UBE2L3: variants seen among roughly 807,000 people sequenced by gnomAD.
The protein encoded by UBE2L3 is ubiquitin conjugating enzyme E2 L3.
In UBE2L3, 1 loss-of-function variant was observed where a neutral mutation model predicts 17.8. The observed-to-expected ratio is 0.06, with a 90% CI of 0.02 to 0.27. The LOEUF is 0.27. UBE2L3 is among the 10% of genes least tolerant of loss of function. The probability of loss-of-function intolerance (pLI) is 1.00; values close to 1 mark genes in which losing one functional copy is unlikely to be tolerated. For missense variants in UBE2L3, 40 were observed against 192.6 expected (o/e 0.21, Z 4.69); for synonymous variants, 44 against 68.5 (o/e 0.64, Z 1.76).
Position 21,575,055 on chromosome 22 carries a change from G to A in UBE2L3, c.27+7284G>A, listed in dbSNP as rs549975211. On this transcript the variant is annotated intron_variant, in intron 1 of 3. Coordinates refer to ENST00000342192, the MANE Select transcript of UBE2L3 (RefSeq NM_003347.4). The stretch of plus-strand genomic sequence containing the variant: ...GTGGATCACTTGAGGTCAGGAGTTC[G>A]AGACCAGCCTGGTCAACATGGTGAA... 2.1e-4 allele frequency among the ~76,000 whole-genome samples: 32 copies of A among 151,702 alleles called. No homozygotes were observed. In the East Asian group the frequency reaches 5.6e-3, roughly 27 times the overall value.
rs1211084908 is a variant in UBE2L3, at chr22:21,562,376, CT to C, written c.201+12739del. On this transcript the variant is annotated intron_variant, in intron 1 of 3. Coordinates refer to the UBE2L3 transcript ENST00000458578. Reference sequence around the variant, plus strand: ...CACCCGGCTAATTTTTTCTTTTTTTCTTTTTTTTTTTTTGAGACGGAGTCTC... The same window carrying C: ...CACCCGGCTAATTTTTTCTTTTTTTCTTTTTTTTTTTTGAGACGGAGTCTC... Among the ~76,000 whole-genome samples the C allele has an allele frequency of 7.8e-3, 964 of 123,288 alleles. 7 individuals are homozygous for C. The highest frequency in any genetic ancestry group is 0.026 in the African/African-American group (811 of 30,898). The allele number at this position is 123,288 out of a possible 152,430, so 80.9% of individuals were successfully genotyped here.
At chr22:21,584,731 C>T (rs1250105633) in intron 1 of UBE2L3, among the ~76,000 whole-genome samples, 2 of 149,770 alleles carry the variant, frequency 1.3e-5, no homozygotes, top group Non-Finnish European at 3.0e-5. Context: ...GAGGCCGAGG[C>T]GGGTGGATCC....
At chr22:21,587,943 C>T (rs541857194) in intron 1 of UBE2L3, among the ~76,000 whole-genome samples, 16 of 152,286 alleles carry the variant, frequency 1.1e-4, no homozygotes, top group Admixed American at 7.2e-4. Context: ...CCGAAGTGGA[C>T]CTCATTCTGA....
At chr22:21,564,410 C>A (rs769129871), upstream of UBE2L3, among the ~76,000 whole-genome samples, 19 of 152,034 alleles carry the variant, frequency 1.2e-4, no homozygotes, top group Non-Finnish European at 2.8e-4. Flanking sequence ...TGGAGGGGAT[C>A]GGGTATGACT....
At chr22:21,586,675 C>T (rs949625893) in intron 1 of UBE2L3, among the ~76,000 whole-genome samples, 1 of 151,336 alleles carries the variant, frequency 6.6e-6, no homozygotes, top group African/African-American at 2.4e-5. Context: ...TCCAGTGATT[C>T]TCCAACCTCA....
rs567794559 is a variant in UBE2L3 at position 21,568,394 on chromosome 22, G to T, written c.27+623G>T. 7.3e-4 allele frequency: 720 copies of T among 985,454 alleles called. 2 individuals are homozygous for T. The highest frequency in any genetic ancestry group is 8.3e-4 in the Non-Finnish European group (691 of 829,984). 61.0% of individuals were successfully genotyped at this position (985,454 alleles called of 1,614,324 possible). ...ACACAGCGGGTAAGTTCCAACTCCA[G>T]GAAGGCCTGAGGTCGGCCCCGATCG... On this transcript the variant is annotated intron_variant, in intron 1 of 3. Coordinates refer to ENST00000342192, the MANE Select transcript of UBE2L3 (RefSeq NM_003347.4).
Position 21,621,696 on chromosome 22 carries a change from T to A in UBE2L3, c.*27T>A, listed in dbSNP as rs774114259. 4.5e-6 allele frequency: 7 copies of A among 1,571,460 alleles called. No homozygotes were observed. In the South Asian group the frequency reaches 6.7e-5, roughly 15 times the overall value. On this transcript the variant is annotated 3_prime_UTR_variant, in exon 4 of 4. Transcript: ENST00000342192. ...ATCTGCCACGATTGGTTCCAGCAAG[T>A]GTGAGCAGAGACCCCGTGCAGTGCA...
intron 1 of UBE2L3, among the ~76,000 whole-genome samples, chr22:21,581,055 ATTT>A (rs576111528): frequency 2.3e-5 from 3 of 130,810 alleles, no homozygotes; most frequent in Non-Finnish European, 3.3e-5. Flanking sequence ...TGCCCGGCTA[ATTT>A]TTTTTTTTTT....
intron 1 of UBE2L3, among the ~76,000 whole-genome samples, chr22:21,561,978 C>T (rs1926448525): frequency 1.3e-5 from 2 of 152,096 alleles, no homozygotes; most frequent in Non-Finnish European, 2.9e-5. Flanking sequence ...GTCCAGTGCC[C>T]ATTTCCTGCC....
At chr22:21,601,928 C>T (rs546607307) in intron 2 of UBE2L3, among the ~76,000 whole-genome samples, 3 of 147,520 alleles carry the variant, frequency 2.0e-5, no homozygotes, top group African/African-American at 7.5e-5. Flanking sequence ...GCCGAGATTG[C>T]GCCACTGAAC....
chr22:21,567,455 G>T, upstream of UBE2L3: 2 of 469,934 alleles, frequency 4.3e-6, no homozygotes, highest in Non-Finnish European at 3.5e-6. Flanking sequence ...GAGCCCCCGC[G>T]CCTGGTCAAC....
chr22:21,590,763 C>G (rs550945919), intron 1 of UBE2L3, among the ~76,000 whole-genome samples: 1 of 152,324 alleles, frequency 6.6e-6, no homozygotes, highest in South Asian at 2.1e-4. Flanking sequence ...ACTCTAGTAT[C>G]TTGAGCCAAG....
At chr22:21,612,655 T>C (rs1210659165) in intron 3 of UBE2L3, among the ~76,000 whole-genome samples, 2 of 109,542 alleles carry the variant, frequency 1.8e-5, no homozygotes, top group Non-Finnish European at 1.8e-5. Context: ...TTTTTTTTTT[T>C]TTTTTTTTTT....
chr22:21,605,270 T>A (rs1454062289), intron 2 of UBE2L3, among the ~76,000 whole-genome samples: 3 of 152,324 alleles, frequency 2.0e-5, no homozygotes, highest in African/African-American at 7.2e-5. Context: ...CTTGGCTCAC[T>A]GCAGCGGTGT....
intron 1 of UBE2L3, among the ~76,000 whole-genome samples, chr22:21,586,650 C>T (rs1271095886): frequency 6.6e-6 from 1 of 151,662 alleles, no homozygotes; most frequent in Non-Finnish European, 1.5e-5. Context: ...TTACCACAAC[C>T]TCCACCTCCC....
intron 1 of UBE2L3, among the ~76,000 whole-genome samples, chr22:21,556,001 G>A (rs1343182891): frequency 6.6e-6 from 1 of 152,232 alleles, no homozygotes; most frequent in Admixed American, 6.5e-5. Flanking sequence ...TTGGGAGGCG[G>A]GGATGGGTGG....
At chr22:21,563,513 G>A (rs1441484922), upstream of UBE2L3, among the ~76,000 whole-genome samples, 2 of 145,870 alleles carry the variant, frequency 1.4e-5, no homozygotes, top group African/African-American at 2.5e-5. Context: ...AGTGAGCCGA[G>A]ATCGCGCCAC....
At chr22:21,561,962 A>G (rs1016507458) in intron 1 of UBE2L3, among the ~76,000 whole-genome samples, 3 of 152,134 alleles carry the variant, frequency 2.0e-5, no homozygotes, top group African/African-American at 4.8e-5. Flanking sequence ...AATGAAGGGT[A>G]TAAGTGTCCA....
At chr22:21,603,529 TAAAAAAAAAA>T (rs780658850) in intron 2 of UBE2L3, among the ~76,000 whole-genome samples, 1 of 79,950 alleles carries the variant, frequency 1.3e-5, no homozygotes, top group Non-Finnish European at 2.3e-5. Context: ...GACTCTGTCT[TAAAAAAAAAA>T]AAAAAAAAAA....
Sources: allele counts gnomAD v4.1 joint callset (sites outside exome capture counted in the v4.1 genomes callset), GRCh38; gene constraint gnomAD v4.1.1; transcripts MANE v1.5; gene names NCBI Gene and HGNC (gene_info 2026-07-23, HGNC 2026-07-21).